Variants in ANAPC1 observed in about 807,000 individuals in gnomAD.
ANAPC1 encodes anaphase-promoting complex subunit 1.
In ANAPC1, 36 loss-of-function variants were observed where a neutral mutation model predicts 208.0. The ratio of observed to expected loss-of-function variants is 0.17; its 90% confidence interval spans 0.13 to 0.23. The LOEUF is 0.23. ANAPC1 is among the 10% of genes least tolerant of loss of function. The pLI, the probability that ANAPC1 is intolerant of heterozygous loss-of-function variation, is 1.00. For missense variants in ANAPC1, 942 were observed against 2,011.6 expected (o/e 0.47, Z 10.17); for synonymous variants, 378 against 695.2 (o/e 0.54, Z 7.18).
chr2:111,830,161 A>G (rs1228844327), intron 21 of ANAPC1, among the ~76,000 whole-genome samples: 1 of 152,226 alleles, frequency 6.6e-6, no homozygotes, highest in Non-Finnish European at 1.5e-5. Flanking sequence ...ACTTACTATA[A>G]AGCTACAGTA....
chr2:111,850,427 G>A (rs938778934), intron 14 of ANAPC1, among the ~76,000 whole-genome samples: 4 of 152,102 alleles, frequency 2.6e-5, no homozygotes, highest in Admixed American at 2.0e-4. Flanking sequence ...TCTTCCCATC[G>A]GATGTTATCT....
At chr2:111,859,252 G>A (rs1382974722) in intron 10 of ANAPC1, among the ~76,000 whole-genome samples, 6 of 152,110 alleles carry the variant, frequency 3.9e-5, no homozygotes, top group African/African-American at 1.4e-4. Context: ...GGAGGCCGAG[G>A]TGGGCAGATC....
intron 34 of ANAPC1, among the ~76,000 whole-genome samples, chr2:111,799,262 A>G (rs1261249998): frequency 1.3e-5 from 2 of 151,764 alleles, no homozygotes; most frequent in Admixed American, 6.6e-5. Context: ...ATCATTACGT[A>G]TTCATCAGCA....
chr2:111,791,593 A>G (rs1405569162), intron 38 of ANAPC1, among the ~76,000 whole-genome samples: 2 of 152,164 alleles, frequency 1.3e-5, no homozygotes, highest in Non-Finnish European at 2.9e-5. Flanking sequence ...TGAATAATCC[A>G]TTGCTACATA....
intron 47 of ANAPC1, among the ~76,000 whole-genome samples, chr2:111,771,873 C>T (rs1447068559): frequency 6.6e-6 from 1 of 151,576 alleles, no homozygotes; most frequent in African/African-American, 2.4e-5. Context: ...TTATCTGTTT[C>T]TATATTCTGA....
chr2:111,836,645 T>C (rs1680484840), intron 18 of ANAPC1, among the ~76,000 whole-genome samples: 1 of 147,826 alleles, frequency 6.8e-6, no homozygotes, highest in South Asian at 2.3e-4. Flanking sequence ...ACACCCTGTC[T>C]CTTAAAAAAA....
At chr2:111,823,305 C>T (rs1284034074) in intron 24 of ANAPC1, among the ~76,000 whole-genome samples, 1 of 152,138 alleles carries the variant, frequency 6.6e-6, no homozygotes, top group East Asian at 1.9e-4. Context: ...GCATGAGCCA[C>T]CGCGCCTGGC....
chr2:111,788,446 A>C (rs1677688045), intron 38 of ANAPC1, 126 bp from the exon 39 acceptor site: 1 of 1,301,156 alleles, frequency 7.7e-7, no homozygotes, highest in Admixed American at 2.3e-5. Context: ...CTCATAATAC[A>C]AGAGTGTCAG....
chr2:111,834,419 C>T (rs1225777627), intron 19 of ANAPC1, among the ~76,000 whole-genome samples, 185 bp downstream of exon 19: 1 of 149,674 alleles, frequency 6.7e-6, no homozygotes, highest in Non-Finnish European at 1.5e-5. Context: ...CCCTGCATGG[C>T]TCACAGGCCC....
Position 111,864,871 on chromosome 2 carries a change from C to A in ANAPC1, c.766G>T (p.Val256Leu). 1 of 1,611,626 alleles carries A rather than the reference C, an allele frequency of 6.2e-7. No homozygotes were observed. Among genetic ancestry groups the A allele is most frequent in the Non-Finnish European group, 8.5e-7 (1 of 1,179,768 alleles). Residue 256 changes from valine (V) to leucine (L), a missense_variant, in exon 8 of 48, where the codon GTA becomes TTA. Val to Leu is a conservative substitution (Grantham distance 32). Transcript: ENST00000341068. ...IVFLNTDPSI[V>L]MTYDAVQNVH... ...TTTTGAACAGCATCATAAGTCATTA[C>A]AATAGAGGGGTCAGTATTGAGGAAA...
intron 26 of ANAPC1, chr2:111,819,310 A>C: frequency 4.3e-6 from 4 of 932,992 alleles, no homozygotes; most frequent in Non-Finnish European, 5.1e-6. Flanking sequence ...AAAATACAGT[A>C]CTTTTGGGGT....
rs1158885863 is a variant in ANAPC1, at chr2:111,768,296, T to C, written c.*995A>G. ...ACATTCTGTAAATCTTAGGTAAATA[T>C]GGATTGTCTTGTTTTTAAATACAAT... is the stretch of plus-strand genomic sequence containing the variant. On this transcript the variant is annotated 3_prime_UTR_variant, in exon 48 of 48. Coordinates refer to ENST00000341068, the MANE Select transcript of ANAPC1 (RefSeq NM_022662.4). 6.6e-6 allele frequency: 1 copy of C among 152,170 alleles called. No homozygotes were observed. The highest frequency in any genetic ancestry group is 1.5e-5 in the Non-Finnish European group (1 of 68,030). 9.4% of individuals were successfully genotyped at this position (152,170 alleles called of 1,614,324 possible).
intron 26 of ANAPC1, among the ~76,000 whole-genome samples, chr2:111,820,201 A>G (rs1199683432): frequency 2.0e-5 from 3 of 152,106 alleles, no homozygotes; most frequent in Non-Finnish European, 1.5e-5. Context: ...AATGAACTCT[A>G]CTACTAATAA....
At chr2:111,868,160 TTCTATTGAAAAGAAATC>T in intron 6 of ANAPC1, 64 bp from the exon 7 acceptor site, 1 of 1,143,270 alleles carries the variant, frequency 8.7e-7, no homozygotes, top group Non-Finnish European at 1.2e-6. Flanking sequence ...AATTTTGCAC[TTCTATTGAAAAGAAATC>T]TCCAGATTAC....
intron 1 of ANAPC1, among the ~76,000 whole-genome samples, chr2:111,883,608 T>C (rs189102474): frequency 3.6e-3 from 548 of 151,460 alleles, no homozygotes; most frequent in Middle Eastern, 7.1e-3. Flanking sequence ...CCAGCCTTTC[T>C]AGAGGACGGT....
rs747242493 is a variant in ANAPC1, at chr2:111,794,200, A to G, written c.4464+33T>C. 4 of 1,566,128 alleles carry G rather than the reference A, an allele frequency of 2.6e-6. No homozygotes were observed. The South Asian group carries it at 4.8e-5, about 19-fold the overall frequency. ...TAAAGCTTTGTTAAAACAAACAAAA[A>G]AAAAGAACACAGTAAACTAAAATAC... On this transcript the variant is annotated intron_variant, in intron 36 of 47. Transcript: ENST00000341068.
intron 2 of ANAPC1, 91 bp from the exon 3 acceptor site, chr2:111,879,062 A>T: frequency 8.6e-7 from 1 of 1,157,186 alleles, no homozygotes; most frequent in Non-Finnish European, 1.2e-6. Context: ...ATGGAGTAAG[A>T]CTCAATTCAA....
Position 111,863,864 on chromosome 2 carries a change from T to C in ANAPC1, c.863A>G (p.Gln288Arg), listed in dbSNP as rs747729870. 22 of 1,611,712 alleles carry C rather than the reference T, an allele frequency of 1.4e-5. No homozygotes were observed. Among genetic ancestry groups the C allele is most frequent in the Non-Finnish European group, 1.7e-5 (20 of 1,179,306 alleles). Residue 288 changes from glutamine (Q) to arginine (R), a missense_variant, in exon 9 of 48, where the codon CAG becomes CGG. By Grantham distance (43) the Gln-to-Arg change is conservative. Transcript: ENST00000341068. The part of the protein sequence containing the change: ...EENVVLKFSE[Q>R]GGTPQNVATS... ...GGCCACATTCTGTGGGGTTCCCCCCTGTTCAGAGAACTTTAAAACAACATT... is the reference window on the plus strand; with the variant it reads ...GGCCACATTCTGTGGGGTTCCCCCCCGTTCAGAGAACTTTAAAACAACATT...
At chr2:111,771,607 T>A (rs529909272) in intron 47 of ANAPC1, among the ~76,000 whole-genome samples, 5 of 151,902 alleles carry the variant, frequency 3.3e-5, no homozygotes, top group African/African-American at 1.2e-4. Context: ...TTAGCTTTTA[T>A]ATTTGTTTTT....
Sources: gnomAD v4.1 joint callset for allele counts (sites outside exome capture counted in the v4.1 genomes callset) on GRCh38, gnomAD v4.1.1 for gene constraint, MANE v1.5 for transcripts, NCBI Gene and HGNC (gene_info 2026-07-23, HGNC 2026-07-21) for gene names.